WWC2: variants seen among roughly 807,000 people sequenced by gnomAD.
WWC2 encodes the protein protein WWC2.
Under a neutral mutation model 138.5 loss-of-function variants are expected in WWC2, and 101 were observed. That is an observed-to-expected ratio of 0.73 (90% CI 0.62 to 0.86). WWC2 has a LOEUF of 0.86. WWC2 is among the 40% of genes least tolerant of loss of function. The pLI, the probability that WWC2 is intolerant of heterozygous loss-of-function variation, is 0.00. For synonymous variants in WWC2, 558 were observed against 538.4 expected (o/e 1.04, Z -0.50); for missense variants, 1,420 against 1,419.4 (o/e 1.00, Z -0.01).
intron 1 of WWC2, among the ~76,000 whole-genome samples, chr4:183,116,880 A>G (rs1013458111): frequency 6.6e-6 from 1 of 152,202 alleles, no homozygotes; most frequent in African/African-American, 2.4e-5. Context: ...ACCCAGTACA[A>G]TGTCTTGTGG....
intron 1 of WWC2, among the ~76,000 whole-genome samples, chr4:183,131,264 A>G (rs1365250581): frequency 1.3e-5 from 2 of 151,742 alleles, no homozygotes; most frequent in African/African-American, 2.4e-5. Context: ...AATTTTATAA[A>G]TTTATAATTT....
intron 11 of WWC2, among the ~76,000 whole-genome samples, chr4:183,262,838 C>A (rs1334771440): frequency 6.6e-6 from 1 of 152,080 alleles, no homozygotes; most frequent in Non-Finnish European, 1.5e-5. Flanking sequence ...TGGAACCAGC[C>A]AAGCCTCCAC....
chr4:183,306,557 C>T (rs187892415), intron 21 of WWC2, among the ~76,000 whole-genome samples: 1 of 151,862 alleles, frequency 6.6e-6, no homozygotes, highest in East Asian at 1.9e-4. Context: ...GATTAATTAT[C>T]CAAGAAGGGG....
chr4:183,289,716 A>C, intron 21 of WWC2, 81 bp downstream of exon 21: 2 of 1,542,500 alleles, frequency 1.3e-6, no homozygotes, highest in Non-Finnish European at 8.7e-7. Context: ...CCCAACTTAC[A>C]CTTCTGTTTT....
At chr4:183,222,745 G>T (rs959495519) in intron 4 of WWC2, among the ~76,000 whole-genome samples, 2 of 152,036 alleles carry the variant, frequency 1.3e-5, no homozygotes, top group Admixed American at 1.3e-4. Flanking sequence ...ATCACTTGAG[G>T]CCAGGGGTTT....
chr4:183,113,532 G>GCA (rs1732316853), intron 1 of WWC2, among the ~76,000 whole-genome samples: 2 of 148,114 alleles, frequency 1.4e-5, no homozygotes, highest in African/African-American at 2.5e-5. Flanking sequence ...GCGTGCGCGC[G>GCA]CACATGCACG....
At chr4:183,295,348 T>G (rs190188774) in intron 21 of WWC2, among the ~76,000 whole-genome samples, 29 of 152,350 alleles carry the variant, frequency 1.9e-4, no homozygotes. Context: ...AGCCCTTTTT[T>G]GAGTTTTGCT....
chr4:183,231,208 T>C (rs1221051801), intron 4 of WWC2, among the ~76,000 whole-genome samples: 1 of 151,078 alleles, frequency 6.6e-6, no homozygotes, highest in African/African-American at 2.4e-5. Flanking sequence ...AATTATTCAC[T>C]GTACTAACAG....
intron 1 of WWC2, among the ~76,000 whole-genome samples, chr4:183,193,167 A>T (rs1339691014): frequency 6.6e-6 from 1 of 152,218 alleles, no homozygotes; most frequent in Non-Finnish European, 1.5e-5. Context: ...TAGTTAATTT[A>T]TAAATGGGCA....
intron 5 of WWC2, among the ~76,000 whole-genome samples, chr4:183,241,212 C>G (rs1245183267): frequency 6.6e-6 from 1 of 152,208 alleles, no homozygotes; most frequent in Non-Finnish European, 1.5e-5. Context: ...CGTGGTAGCA[C>G]CTCAGGAATG....
intron 21 of WWC2, among the ~76,000 whole-genome samples, chr4:183,311,264 A>G (rs961132908): frequency 1.1e-4 from 16 of 152,254 alleles, no homozygotes; most frequent in Admixed American, 3.9e-4. Flanking sequence ...CATTATTACT[A>G]ACAGATGATA....
At chr4:183,185,369 G>A (rs1018906904) in intron 1 of WWC2, among the ~76,000 whole-genome samples, 3 of 152,090 alleles carry the variant, frequency 2.0e-5, no homozygotes, top group African/African-American at 4.8e-5. Context: ...AATTAACTTG[G>A]AATCATGTTA....
chr4:183,183,513 G>A (rs1007587825), intron 1 of WWC2, among the ~76,000 whole-genome samples: 1 of 152,198 alleles, frequency 6.6e-6, no homozygotes, highest in Non-Finnish European at 1.5e-5. Flanking sequence ...CGGAAGCAGT[G>A]ACTCATGCCT....
At chr4:183,259,498 C>G (rs1027707079) in intron 9 of WWC2, 141 bp from the exon 10 acceptor site, 13 of 652,586 alleles carry the variant, frequency 2.0e-5, no homozygotes, top group South Asian at 1.1e-4. Context: ...ACACTTCTTG[C>G]CGGTGTCCTG....
At chr4:183,229,333 G>C (rs1371204068) in intron 4 of WWC2, among the ~76,000 whole-genome samples, 1 of 152,072 alleles carries the variant, frequency 6.6e-6, no homozygotes, top group African/African-American at 2.4e-5. Flanking sequence ...CTTTGAAAAA[G>C]AGGATATTTG....
intron 1 of WWC2, among the ~76,000 whole-genome samples, chr4:183,165,194 A>G (rs1274838954): frequency 6.6e-6 from 1 of 152,074 alleles, no homozygotes; most frequent in African/African-American, 2.4e-5. Context: ...GAGAGGGTAG[A>G]AGAGGTACAA....
At chr4:183,265,635 T>C in intron 12 of WWC2, 53 bp from the exon 13 acceptor site, 1 of 1,533,406 alleles carries the variant, frequency 6.5e-7, no homozygotes, top group Non-Finnish European at 8.9e-7. Context: ...CTGTTAACCA[T>C]AACAATCGAT....
At chr4:183,180,172 G>GT (rs1309319401) in intron 1 of WWC2, among the ~76,000 whole-genome samples, 2 of 152,140 alleles carry the variant, frequency 1.3e-5, no homozygotes, top group African/African-American at 4.8e-5. Context: ...AACTGCACGT[G>GT]TTAAAGATAT....
At chr4:183,128,196 G>T (rs375379252) in intron 1 of WWC2, among the ~76,000 whole-genome samples, 82 of 152,214 alleles carry the variant, frequency 5.4e-4, no homozygotes, top group African/African-American at 1.9e-3. Flanking sequence ...AATATTAGCC[G>T]AGTGTGGTGG....
Sources: gnomAD v4.1 joint callset for allele counts (sites outside exome capture counted in the v4.1 genomes callset) on GRCh38, gnomAD v4.1.1 for gene constraint, MANE v1.5 for transcripts, NCBI Gene and HGNC (gene_info 2026-07-23, HGNC 2026-07-21) for gene names.